NR6A1: variants seen among roughly 807,000 people sequenced by gnomAD.
The protein encoded by NR6A1 is retinoic acid receptor-related testis-associated receptor.
Under a neutral mutation model 59.1 loss-of-function variants are expected in NR6A1, and 7 were observed. The observed-to-expected ratio is 0.12, with a 90% CI of 0.07 to 0.22. The LOEUF (loss-of-function observed/expected upper bound fraction) is 0.22, where lower values mean the gene tolerates loss of function less well. Ranked by LOEUF, NR6A1 falls within the 10% of genes least tolerant of loss-of-function variation. The probability of loss-of-function intolerance (pLI) is 1.00; values close to 1 mark genes in which losing one functional copy is unlikely to be tolerated. For synonymous variants in NR6A1, 243 were observed against 236.1 expected (o/e 1.03, Z -0.27); for missense variants, 468 against 611.6 (o/e 0.77, Z 2.48).
chr9:124,637,514 T>C (rs1285258779), intron 2 of NR6A1, among the ~76,000 whole-genome samples: 1 of 152,112 alleles, frequency 6.6e-6, no homozygotes, highest in Non-Finnish European at 1.5e-5. Flanking sequence ...TCATTGTACA[T>C]GCAAGAAAAA....
At chr9:124,616,945 C>T (rs959865631) in intron 2 of NR6A1, among the ~76,000 whole-genome samples, 1 of 152,206 alleles carries the variant, frequency 6.6e-6, no homozygotes, top group African/African-American at 2.4e-5. Flanking sequence ...AAACTACACA[C>T]ACCCTGTGAC....
intron 2 of NR6A1, among the ~76,000 whole-genome samples, 178 bp downstream of exon 2, chr9:124,733,130 A>G (rs1355270387): frequency 6.6e-6 from 1 of 152,392 alleles, no homozygotes; most frequent in African/African-American, 2.4e-5. Context: ...GAATAATATC[A>G]GAAGAAAGCA....
chr9:124,540,892 C>A (rs1332468436), intron 4 of NR6A1, among the ~76,000 whole-genome samples: 1 of 152,194 alleles, frequency 6.6e-6, no homozygotes, highest in African/African-American at 2.4e-5. Flanking sequence ...CTCTCTTCAA[C>A]AAATAGTGCT....
intron 2 of NR6A1, among the ~76,000 whole-genome samples, chr9:124,659,286 C>T (rs1268582752): frequency 2.8e-5 from 3 of 106,466 alleles, no homozygotes; most frequent in South Asian, 6.6e-4. Context: ...GGGGCGGGAG[C>T]GGGGGGGCGG....
chr9:124,627,910 T>C (rs12682888), intron 2 of NR6A1, among the ~76,000 whole-genome samples: 5,574 of 90,332 alleles, frequency 0.062, 346 homozygotes, highest in African/African-American at 0.2. Context: ...TTTTTTTTTT[T>C]CAAAACAAAG....
chr9:124,543,479 T>C (rs1469800858), intron 4 of NR6A1, among the ~76,000 whole-genome samples: 1 of 152,220 alleles, frequency 6.6e-6, no homozygotes, highest in Non-Finnish European at 1.5e-5. Flanking sequence ...GTAGTCTTGC[T>C]CATTTCTGCC....
Position 124,518,941 on chromosome 9 carries a change from A to G in NR6A1, c.*3764T>C, listed in dbSNP as rs1264739808. On this transcript the variant is annotated 3_prime_UTR_variant, in exon 10 of 10. Transcript: ENST00000487099. ...CAGCTCAGCTTTCTGTCCTGCTGAG[A>G]GGCCAGGGTTCCCTTAATTCGACCA... 6.6e-6 allele frequency: 1 copy of G among 152,222 alleles called. No homozygotes were observed. The highest frequency in any genetic ancestry group is 1.5e-5 in the Non-Finnish European group (1 of 68,046). 9.4% of individuals were successfully genotyped at this position (152,222 alleles called of 1,614,324 possible). A position where few individuals can be genotyped will look rare whatever the true frequency, so the allele number is the denominator to read the frequency against.
At chr9:124,674,362 C>T (rs1278674317) in intron 2 of NR6A1, among the ~76,000 whole-genome samples, 3 of 152,158 alleles carry the variant, frequency 2.0e-5, no homozygotes, top group South Asian at 2.1e-4. Context: ...CAGCAATTAA[C>T]GCTATGAAGC....
At chr9:124,690,299 A>G (rs758208333) in intron 2 of NR6A1, among the ~76,000 whole-genome samples, 8 of 152,170 alleles carry the variant, frequency 5.3e-5, no homozygotes, top group Non-Finnish European at 1.2e-4. Context: ...TATTTCTTCC[A>G]AGTATATCAA....
chr9:124,770,784 G>A (rs1841123724), intron 1 of NR6A1, among the ~76,000 whole-genome samples: 4 of 151,036 alleles, frequency 2.6e-5, no homozygotes, highest in Admixed American at 2.6e-4. Flanking sequence ...ACCCGGGCAG[G>A]GGGAGGGTCC....
chr9:124,621,941 T>C (rs1006443522), intron 2 of NR6A1, among the ~76,000 whole-genome samples: 6 of 152,116 alleles, frequency 3.9e-5, no homozygotes, highest in African/African-American at 2.4e-5. Flanking sequence ...CAGCCGAGCA[T>C]GGTGGCTCGT....
intron 2 of NR6A1, among the ~76,000 whole-genome samples, chr9:124,730,059 T>G (rs1417139806): frequency 6.6e-6 from 1 of 152,166 alleles, no homozygotes; most frequent in Non-Finnish European, 1.5e-5. Context: ...GTGATCCGCC[T>G]GCCTCAGCCT....
At chr9:124,692,666 T>C in intron 2 of NR6A1, 1 of 271,956 alleles carries the variant, frequency 3.7e-6, no homozygotes, top group Non-Finnish European at 8.2e-6. Flanking sequence ...ATTTTATTCC[T>C]ACTGCTCACT....
chr9:124,638,034 G>T (rs887206954), intron 2 of NR6A1, among the ~76,000 whole-genome samples: 4 of 152,048 alleles, frequency 2.6e-5, no homozygotes, highest in Non-Finnish European at 2.9e-5. Flanking sequence ...GATAGCCTGA[G>T]TCCAGGAGTT....
intron 2 of NR6A1, among the ~76,000 whole-genome samples, chr9:124,732,532 T>C (rs1375501960): frequency 6.6e-6 from 1 of 152,192 alleles, no homozygotes; most frequent in Non-Finnish European, 1.5e-5. Flanking sequence ...TCTCATATCT[T>C]AACCATAAGA....
In NR6A1 at chr9:124,677,832, A is replaced by G. The variant is rs538389724; in HGVS notation, c.142+55476T>C. Among the ~76,000 whole-genome samples, 173 of 152,228 alleles carry G rather than the reference A, an allele frequency of 1.1e-3. 1 individual carries two copies. Among genetic ancestry groups the G allele is most frequent in the African/African-American group, 3.8e-3 (157 of 41,542 alleles). On this transcript the variant is annotated intron_variant, in intron 2 of 9. Transcript: ENST00000487099. Reference sequence around the variant, plus strand: ...TTATAGTTTGCCAATGTCTATTTCAATCATAAGTATTTTGGCTACAGTGAC... The same window carrying G: ...TTATAGTTTGCCAATGTCTATTTCAGTCATAAGTATTTTGGCTACAGTGAC...
In NR6A1 at chr9:124,522,647, A is replaced by G. The variant is rs758088952; in HGVS notation, c.*58T>C. ...TGGTCTCTCTGGCTTTTCCCTCCAG[A>G]GCCTGTCCTGCCCACCCAAGACGCT... On this transcript the variant is annotated 3_prime_UTR_variant, in exon 10 of 10. Transcript: ENST00000487099. The G allele has an allele frequency of 7.7e-5, 109 of 1,416,308 alleles. No individual in the cohort carries two copies. The African/African-American group carries it at 1.4e-3, about 18-fold the overall frequency. The allele number at this position is 1,416,308 out of a possible 1,614,324, so 87.7% of individuals were successfully genotyped here. A position where few individuals can be genotyped will look rare whatever the true frequency, so the allele number is the denominator to read the frequency against.
intron 2 of NR6A1, among the ~76,000 whole-genome samples, chr9:124,706,455 T>C (rs966299405): frequency 2.0e-5 from 3 of 152,222 alleles, no homozygotes; most frequent in African/African-American, 7.2e-5. Context: ...TTCTGTCTTT[T>C]TAATGTGGAA....
At chr9:124,588,234 T>C (rs964982075) in intron 2 of NR6A1, among the ~76,000 whole-genome samples, 19 of 152,188 alleles carry the variant, frequency 1.2e-4, no homozygotes, top group African/African-American at 4.6e-4. Flanking sequence ...TTTTAGTGTA[T>C]GATTCCAAAT....
Sources: gnomAD v4.1 joint callset for allele counts (sites outside exome capture counted in the v4.1 genomes callset) on GRCh38, gnomAD v4.1.1 for gene constraint, MANE v1.5 for transcripts, NCBI Gene and HGNC (gene_info 2026-07-23, HGNC 2026-07-21) for gene names.